Variants in CSNK2A2IP observed in about 807,000 individuals in gnomAD.
CSNK2A2IP encodes casein kinase II subunit alpha'-interacting protein.
chr3:88,438,400 T>C, the CSNK2A2IP span, among the ~76,000 whole-genome samples: 2 of 152,152 alleles, frequency 1.3e-5, no homozygotes, highest in Non-Finnish European at 2.9e-5. Flanking sequence ...CCTTAGAAAC[T>C]AGGATTCCTC....
At chr3:88,383,847 G>A in the CSNK2A2IP span, among the ~76,000 whole-genome samples, 2 of 151,722 alleles carry the variant, frequency 1.3e-5, no homozygotes, top group Non-Finnish European at 2.9e-5. Flanking sequence ...TGTATTTTTA[G>A]TAGAGACAGG....
chr3:88,396,105 T>C, the CSNK2A2IP span, among the ~76,000 whole-genome samples: 1 of 43,272 alleles, frequency 2.3e-5, no homozygotes, highest in African/African-American at 5.3e-5. Flanking sequence ...TACCTACTTC[T>C]TTTTTTTTTT....
the CSNK2A2IP span, among the ~76,000 whole-genome samples, chr3:88,407,118 C>G: frequency 1.4e-4 from 21 of 152,208 alleles, no homozygotes; most frequent in East Asian, 3.7e-3. Context: ...CATATTGGCT[C>G]AGTATCAATA....
the CSNK2A2IP span, among the ~76,000 whole-genome samples, chr3:88,442,050 G>A: frequency 0.99 from 150,591 of 152,316 alleles, 74,466 homozygotes; most frequent in East Asian, 1. Flanking sequence ...CATTAAAGGA[G>A]ATACCAGATT....
the CSNK2A2IP span, among the ~76,000 whole-genome samples, chr3:88,378,372 G>A: frequency 1.3e-5 from 2 of 151,388 alleles, no homozygotes; most frequent in Admixed American, 6.6e-5. Flanking sequence ...TTCCACTCAC[G>A]AAGACTCAAC....
chr3:88,361,697 T>A, the CSNK2A2IP span, among the ~76,000 whole-genome samples: 22 of 152,308 alleles, frequency 1.4e-4, no homozygotes, highest in South Asian at 4.6e-3. Context: ...AATATTTCTT[T>A]AAATAAATTT....
the CSNK2A2IP span, among the ~76,000 whole-genome samples, chr3:88,383,681 G>A: frequency 2.8e-5 from 4 of 144,012 alleles, no homozygotes; most frequent in Non-Finnish European, 6.0e-5. Flanking sequence ...TTTTGGGACG[G>A]AGTCTTGCTC....
chr3:88,340,675 T>C, the CSNK2A2IP span, among the ~76,000 whole-genome samples: 1 of 151,962 alleles, frequency 6.6e-6, no homozygotes, highest in Non-Finnish European at 1.5e-5. Context: ...TCTTTGAGCT[T>C]TAAGGGCTAA....
the CSNK2A2IP span, among the ~76,000 whole-genome samples, chr3:88,393,099 C>T: frequency 6.6e-6 from 1 of 152,150 alleles, no homozygotes; most frequent in East Asian, 1.9e-4. Context: ...TCTGTAGTGA[C>T]AATCGAAGGA....
the CSNK2A2IP span, among the ~76,000 whole-genome samples, chr3:88,456,433 GT>G: frequency 6.6e-6 from 1 of 151,800 alleles, no homozygotes; most frequent in Non-Finnish European, 1.5e-5. Flanking sequence ...TTTTTTGTAA[GT>G]ATTTTATTCT....
the CSNK2A2IP span, among the ~76,000 whole-genome samples, chr3:88,404,875 T>C: frequency 6.6e-6 from 1 of 152,140 alleles, no homozygotes; most frequent in Admixed American, 6.6e-5. Context: ...GTTTACTTCT[T>C]TCTAAAATCC....
the CSNK2A2IP span, among the ~76,000 whole-genome samples, chr3:88,403,831 G>A: frequency 5.3e-5 from 8 of 151,986 alleles, no homozygotes; most frequent in Non-Finnish European, 7.4e-5. Context: ...TTGGAGTTTC[G>A]TTAATGTCCT....
the CSNK2A2IP span, among the ~76,000 whole-genome samples, chr3:88,428,908 G>A: frequency 6.6e-6 from 1 of 151,460 alleles, no homozygotes; most frequent in Non-Finnish European, 1.5e-5. Flanking sequence ...TAATATTTAT[G>A]TGCAGTTAAG....
the CSNK2A2IP span, among the ~76,000 whole-genome samples, chr3:88,464,152 G>A: frequency 3.4e-5 from 5 of 146,474 alleles, no homozygotes; most frequent in African/African-American, 7.6e-5. Context: ...ATCACACACC[G>A]GGGACTGTTG....
At chr3:88,465,471 C>T in the CSNK2A2IP span, 3 of 1,231,582 alleles carry the variant, frequency 2.4e-6, no homozygotes, top group Non-Finnish European at 3.0e-6. Flanking sequence ...TAAATCAATT[C>T]AATAACCAAC....
At chr3:88,381,609 C>T in the CSNK2A2IP span, among the ~76,000 whole-genome samples, 22 of 152,132 alleles carry the variant, frequency 1.4e-4, no homozygotes, top group African/African-American at 4.8e-4. Flanking sequence ...GAGTGGTTCT[C>T]AAGAGGGTGT....
the CSNK2A2IP span, among the ~76,000 whole-genome samples, chr3:88,364,961 C>A: frequency 6.6e-6 from 1 of 152,270 alleles, no homozygotes; most frequent in Middle Eastern, 3.4e-3. Context: ...ATTTTCGTAA[C>A]AAATTTAGTA....
chr3:88,431,617 A>G, the CSNK2A2IP span, among the ~76,000 whole-genome samples: 2 of 152,180 alleles, frequency 1.3e-5, no homozygotes, highest in Non-Finnish European at 2.9e-5. Flanking sequence ...GTAAAATTAA[A>G]AAAGACTAAT....
the CSNK2A2IP span, among the ~76,000 whole-genome samples, chr3:88,445,257 T>C: frequency 1.2e-5 from 1 of 83,328 alleles, no homozygotes; most frequent in Non-Finnish European, 2.7e-5. Context: ...GGTGAAACCC[T>C]GTCTCTAGTA....
Sources: gnomAD v4.1 joint callset for allele counts (sites outside exome capture counted in the v4.1 genomes callset) on GRCh38, gnomAD v4.1.1 for gene constraint, MANE v1.5 for transcripts, NCBI Gene and HGNC (gene_info 2026-07-23, HGNC 2026-07-21) for gene names.